TLE1: variants seen among roughly 807,000 people sequenced by gnomAD.
TLE1 encodes transducin-like enhancer protein 1.
Under a neutral mutation model 89.8 loss-of-function variants are expected in TLE1, and 21 were observed. The ratio of observed to expected loss-of-function variants is 0.23; its 90% CI spans 0.17 to 0.34. The LOEUF (loss-of-function observed/expected upper bound fraction) is 0.34. Ranked by LOEUF, TLE1 falls within the 10% of genes least tolerant of loss-of-function variation. The probability of loss-of-function intolerance (pLI) is 1.00; values close to 1 mark genes in which losing one functional copy is unlikely to be tolerated. For synonymous variants in TLE1, 447 were observed against 407.6 expected (o/e 1.10, Z -1.16); for missense variants, 795 against 1,031.2 (o/e 0.77, Z 3.14).
intron 6 of TLE1, among the ~76,000 whole-genome samples, chr9:81,636,845 A>C (rs1827430089): frequency 6.6e-6 from 1 of 151,846 alleles, no homozygotes; most frequent in Non-Finnish European, 1.5e-5. Flanking sequence ...TCTACTAAAA[A>C]TACAACAATA....
chr9:81,675,700 TTTTTTTTG>T (rs1832797654), intron 4 of TLE1, among the ~76,000 whole-genome samples: 1 of 139,720 alleles, frequency 7.2e-6, no homozygotes, highest in African/African-American at 2.9e-5. Context: ...TCACACTAGT[TTTTTTTTG>T]TTTTTTTTTT....
At chr9:81,593,784 G>A (rs1012963489) in intron 14 of TLE1, among the ~76,000 whole-genome samples, 18 of 152,152 alleles carry the variant, frequency 1.2e-4, no homozygotes, top group Admixed American at 1.0e-3. Flanking sequence ...TTTATGGTAT[G>A]GACTTCAACT....
intron 4 of TLE1, among the ~76,000 whole-genome samples, chr9:81,662,787 G>T (rs1360410017): frequency 6.6e-6 from 1 of 151,942 alleles, no homozygotes; most frequent in Non-Finnish European, 1.5e-5. Context: ...GGCTTTTAGT[G>T]ACCTTTTTTT....
intron 4 of TLE1, among the ~76,000 whole-genome samples, chr9:81,655,126 G>A (rs1830007926): frequency 6.6e-6 from 1 of 152,134 alleles, no homozygotes; most frequent in Non-Finnish European, 1.5e-5. Context: ...AGCACTTTCT[G>A]AGGCCAAGGC....
intron 8 of TLE1, among the ~76,000 whole-genome samples, chr9:81,630,011 T>C (rs1423473084): frequency 6.6e-6 from 1 of 152,112 alleles, no homozygotes; most frequent in East Asian, 1.9e-4. Flanking sequence ...ACAAACTACC[T>C]ACCAACCAGT....
At chr9:81,620,376 T>A (rs1825075807) in intron 9 of TLE1, 65 bp downstream of exon 9, 2 of 1,201,872 alleles carry the variant, frequency 1.7e-6, no homozygotes, top group Non-Finnish European at 2.4e-6. Flanking sequence ...GATCTTAGAA[T>A]ATACTTGGAT....
intron 4 of TLE1, among the ~76,000 whole-genome samples, chr9:81,666,836 G>A (rs1183098249): frequency 6.6e-6 from 1 of 150,618 alleles, no homozygotes; most frequent in East Asian, 1.9e-4. Context: ...TGTAAATAAA[G>A]ACAAAGGCCT....
intron 11 of TLE1, among the ~76,000 whole-genome samples, chr9:81,615,133 A>G (rs1238069605): frequency 7.1e-6 from 1 of 140,602 alleles, no homozygotes; most frequent in Admixed American, 7.3e-5. Context: ...AAGAAGAAGA[A>G]GAAGGCAATG....
chr9:81,610,680 T>C (rs1047512625), intron 13 of TLE1, among the ~76,000 whole-genome samples: 5 of 152,152 alleles, frequency 3.3e-5, no homozygotes, highest in South Asian at 2.1e-4. Context: ...TCCTGGGCGT[T>C]GCAGGATGCT....
chr9:81,666,706 C>A (rs577642178), intron 4 of TLE1, among the ~76,000 whole-genome samples: 2 of 151,758 alleles, frequency 1.3e-5, no homozygotes, highest in African/African-American at 4.8e-5. Flanking sequence ...ACCCGGGAAG[C>A]GGAGGTTGCA....
At chr9:81,650,054 A>T (rs1829352838) in intron 6 of TLE1, among the ~76,000 whole-genome samples, 1 of 152,180 alleles carries the variant, frequency 6.6e-6, no homozygotes, top group Non-Finnish European at 1.5e-5. Context: ...TCTCGCTTGC[A>T]TTGCGCCTGA....
At chr9:81,605,962 A>T (rs1415279131) in intron 14 of TLE1, among the ~76,000 whole-genome samples, 1 of 152,228 alleles carries the variant, frequency 6.6e-6, no homozygotes, top group African/African-American at 2.4e-5. Context: ...TGGGCAAAGG[A>T]TATGAACAGA....
chr9:81,640,358 T>G (rs1162442903), intron 6 of TLE1, among the ~76,000 whole-genome samples: 1 of 151,854 alleles, frequency 6.6e-6, no homozygotes, highest in Non-Finnish European at 1.5e-5. Flanking sequence ...AATGAACATC[T>G]GCTTTCTTAA....
In TLE1 at chr9:81,616,630, TG is replaced by T. The variant is rs1563975697; in HGVS notation, c.765+15del. 6.2e-7 allele frequency: 1 copy of T among 1,613,378 alleles called. No individual in the cohort carries two copies. The highest frequency in any genetic ancestry group is 8.5e-7 in the Non-Finnish European group (1 of 1,179,590). ...AAATCATTCTGAAGACAAACTTTGA[TG>T]AAAAGAATGGTTACCTCATTAGACA... On this transcript the variant is annotated intron_variant, in intron 10 of 19. Transcript: ENST00000376499.
chr9:81,685,761 GT>G (rs1175207425), intron 3 of TLE1, 41 bp from the exon 4 acceptor site: 2 of 1,611,630 alleles, frequency 1.2e-6, no homozygotes, highest in African/African-American at 2.7e-5. Flanking sequence ...ATTAACTCAT[GT>G]TTTTTACACT....
In TLE1 at chr9:81,634,211, T is replaced by C. The variant is rs1434470244; in HGVS notation, c.463A>G (p.Ile155Val). 7.5e-6 allele frequency: 12 copies of C among 1,590,618 alleles called. No homozygotes were observed. In the South Asian group the frequency reaches 1.4e-4, roughly 18 times the overall value. ...PHPSGLQPPG[I>V]PPLGGSAGLL... ...CCGGCACTGCCCCCGAGGGGCGGGATTCCAGGAGGCTGAAGTCCCGAAGGG... is the reference window on the plus strand; with the variant it reads ...CCGGCACTGCCCCCGAGGGGCGGGACTCCAGGAGGCTGAAGTCCCGAAGGG... Residue 155 changes from isoleucine (I) to valine (V), a missense_variant, in exon 7 of 20, where the codon ATC becomes GTC. By Grantham distance (29) the Ile-to-Val change is conservative (BLOSUM62 3). Transcript: ENST00000376499.
At chr9:81,662,003 T>C (rs1830857672) in intron 4 of TLE1, among the ~76,000 whole-genome samples, 2 of 152,192 alleles carry the variant, frequency 1.3e-5, no homozygotes, top group South Asian at 2.1e-4. Context: ...TTCAAACCCG[T>C]TGGTAAGGCT....
chr9:81,655,246 A>C (rs2796448), intron 4 of TLE1, among the ~76,000 whole-genome samples: 76,026 of 151,824 alleles, frequency 0.5, 19,329 homozygotes, highest in East Asian at 0.65. Context: ...CGCCTGTAAT[A>C]CCAGCTACTC....
intron 17 of TLE1, among the ~76,000 whole-genome samples, chr9:81,586,903 T>A (rs940064192): frequency 3.3e-5 from 5 of 152,238 alleles, no homozygotes; most frequent in African/African-American, 1.2e-4. Flanking sequence ...GAAGTATATA[T>A]GCTTGTTTTC....
Sources: gnomAD v4.1 joint callset for allele counts (sites outside exome capture counted in the v4.1 genomes callset) on GRCh38, gnomAD v4.1.1 for gene constraint, MANE v1.5 for transcripts, NCBI Gene and HGNC (gene_info 2026-07-23, HGNC 2026-07-21) for gene names.